Variants in HIGD1C observed in about 807,000 individuals in gnomAD.
The protein encoded by HIGD1C is HIG1 domain family member 1C.
A neutral mutation model predicts 13.1 loss-of-function variants in HIGD1C; 11 were observed. The ratio of observed to expected loss-of-function variants is 0.84; its 90% CI spans 0.53 to 1.39. The LOEUF is 1.39. Among genes scored for constraint, HIGD1C ranks in the 40% most tolerant of loss-of-function variants. HIGD1C has a pLI of 0.00. For missense variants in HIGD1C, 110 were observed against 112.0 expected, an observed-to-expected ratio of 0.98 and a Z score of 0.08; for synonymous variants, 36 against 37.7, an observed-to-expected ratio of 0.95 and a Z score of 0.17.
Position 50,956,167 on chromosome 12 carries a change from G to A in HIGD1C, c.94+2075G>A, listed in dbSNP as rs142113302. Among the ~76,000 whole-genome samples, 46 of 152,324 alleles carry A rather than the reference G, an allele frequency of 3.0e-4. No individual in the cohort carries two copies. In the East Asian group the frequency reaches 8.7e-3, roughly 29 times the overall value. ...AACACTTTGGCAGGCCAAGGTGGGT[G>A]GATCACTTGAAATCAGGAGTTTGAG... On this transcript the variant is annotated intron_variant, in intron 1 of 2. Transcript: ENST00000398455.
chr12:50,944,864 G>A, the HIGD1C span, among the ~76,000 whole-genome samples: 5 of 152,180 alleles, frequency 3.3e-5, no homozygotes, highest in Admixed American at 2.6e-4. Flanking sequence ...TCCAGCCTGG[G>A]TGACAGAGCA....
intron 1 of HIGD1C, among the ~76,000 whole-genome samples, chr12:50,957,264 G>A (rs1002343881): frequency 6.6e-6 from 1 of 150,892 alleles, no homozygotes. Context: ...AGGCTGGAGC[G>A]CAATAGCACA....
At chr12:50,941,996 C>A in the HIGD1C span, among the ~76,000 whole-genome samples, 1 of 152,124 alleles carries the variant, frequency 6.6e-6, no homozygotes, top group Non-Finnish European at 1.5e-5. Flanking sequence ...TCAAGGGATG[C>A]TCCCACCTTA....
Position 50,967,113 on chromosome 12 carries a change from C to CAA in HIGD1C, c.230-3316_230-3315dup, listed in dbSNP as rs58572587. On this transcript the variant is annotated intron_variant, in intron 2 of 2. Coordinates refer to ENST00000398455, the Ensembl canonical transcript of HIGD1C. ...TGGGTGATGGAGCAAGACTCAGTCT[C>CAA]AAAAAAAAAAAAAAGAAAGAGAAAT... Among the ~76,000 whole-genome samples the CAA allele has an allele frequency of 2.6e-3, 346 of 131,922 alleles. 2 individuals are homozygous for CAA. Among genetic ancestry groups the CAA allele is most frequent in the African/African-American group, 8.2e-3 (308 of 37,680 alleles). 86.5% of individuals were successfully genotyped at this position (131,922 alleles called of 152,430 possible). A position where few individuals can be genotyped will look rare whatever the true frequency, so the allele number is the denominator to read the frequency against.
chr12:50,950,842 A>G (rs181449241), upstream of HIGD1C, among the ~76,000 whole-genome samples: 1 of 151,784 alleles, frequency 6.6e-6, no homozygotes, highest in East Asian at 1.9e-4. Context: ...ACGCCCAGCT[A>G]ATTTTTTTTG....
the HIGD1C span, among the ~76,000 whole-genome samples, chr12:50,948,371 G>C: frequency 6.6e-6 from 1 of 152,184 alleles, no homozygotes; most frequent in African/African-American, 2.4e-5. Context: ...TTACACATCA[G>C]ATTGGTGAAA....
chr12:50,953,459 T>C (rs1565954796), upstream of HIGD1C, among the ~76,000 whole-genome samples: 2 of 152,334 alleles, frequency 1.3e-5, no homozygotes, highest in Admixed American at 6.5e-5. Context: ...AAGGAATCCA[T>C]TGTCTAGCAT....
At position 50,966,873 on chromosome 12, in the gene HIGD1C, C is replaced by T. The variant is rs142873526; in HGVS notation, c.230-3569C>T. On this transcript the variant is annotated intron_variant, in intron 2 of 2. Transcript: ENST00000398455. ...ATTGTGATGAGCCACTCACAGGATT[C>T]GGGAGGCCAAGGTGGGTAGATCATT... is the stretch of plus-strand genomic sequence containing the variant. Among the ~76,000 whole-genome samples, 5 of 152,128 alleles carry T rather than the reference C, an allele frequency of 3.3e-5. No individual in the cohort carries two copies. The East Asian group carries it at 9.7e-4, about 29-fold the overall frequency.
At chr12:50,936,250 C>A in the HIGD1C span, among the ~76,000 whole-genome samples, 65 of 151,674 alleles carry the variant, frequency 4.3e-4, no homozygotes, top group Non-Finnish European at 1.2e-4. Context: ...TAATAATTTC[C>A]ATTTCTTAAG....
At chr12:50,971,683 T>G (rs1939765126), downstream of HIGD1C, among the ~76,000 whole-genome samples, 1 of 152,020 alleles carries the variant, frequency 6.6e-6, no homozygotes. Flanking sequence ...TCCCAAAGAC[T>G]CCAAGCCTAG....
the HIGD1C span, among the ~76,000 whole-genome samples, chr12:50,940,269 G>C: frequency 6.6e-6 from 1 of 152,074 alleles, no homozygotes; most frequent in Non-Finnish European, 1.5e-5. Context: ...AGCTAAGCAG[G>C]TAGTATTAGA....
the HIGD1C span, among the ~76,000 whole-genome samples, chr12:50,948,866 G>GGGGGGGGGGGA: frequency 6.5e-5 from 1 of 15,480 alleles, no homozygotes; most frequent in Non-Finnish European, 1.2e-4. Context: ...GCGAGGAGGA[G>GGGGGGGGGGGA]GGGGGAGGGG....
downstream of HIGD1C, chr12:50,970,571 T>A: frequency 1.0e-6 from 1 of 976,212 alleles, no homozygotes. Flanking sequence ...GAAGAATAAA[T>A]TTTCAATATG....
chr12:50,948,687 G>T, the HIGD1C span, among the ~76,000 whole-genome samples: 1 of 149,626 alleles, frequency 6.7e-6, no homozygotes, highest in African/African-American at 2.5e-5. Flanking sequence ...GACCAACGTG[G>T]TGAAACCCTG....
At chr12:50,962,079 T>G (rs1053130298) in intron 2 of HIGD1C, among the ~76,000 whole-genome samples, 1 of 152,154 alleles carries the variant, frequency 6.6e-6, no homozygotes, top group African/African-American at 2.4e-5. Context: ...AAGTTATAGA[T>G]GCCGTGACAG....
intron 2 of HIGD1C, 101 bp downstream of exon 4, chr12:50,961,203 G>C: frequency 8.1e-7 from 1 of 1,237,298 alleles, no homozygotes; most frequent in Non-Finnish European, 1.1e-6. Flanking sequence ...TCACAATGAT[G>C]TAATGAGAGA....
intron 2 of HIGD1C, among the ~76,000 whole-genome samples, chr12:50,968,689 C>G (rs1182606899): frequency 1.3e-5 from 2 of 151,948 alleles, no homozygotes; most frequent in Admixed American, 1.3e-4. Flanking sequence ...TTACAGGCAC[C>G]CGTCACCACA....
chr12:50,936,159 C>CAA, the HIGD1C span, among the ~76,000 whole-genome samples: 25,126 of 128,954 alleles, frequency 0.19, 2,372 homozygotes, highest in South Asian at 0.28. Flanking sequence ...AACACCGTCT[C>CAA]AAAAAAAAAA....
the HIGD1C span, among the ~76,000 whole-genome samples, chr12:50,937,112 T>C: frequency 6.6e-6 from 1 of 152,238 alleles, no homozygotes; most frequent in East Asian, 1.9e-4. Flanking sequence ...TCATCATAAG[T>C]ACTGCCTGTT....
Sources: allele counts gnomAD v4.1 joint callset (sites outside exome capture counted in the v4.1 genomes callset), GRCh38; gene constraint gnomAD v4.1.1; transcripts MANE v1.5; gene names NCBI Gene and HGNC (gene_info 2026-07-23, HGNC 2026-07-21).